Variants in SMAD1 observed in about 807,000 individuals in gnomAD.
The protein encoded by SMAD1 is MAD, mothers against decapentaplegic homolog 1.
A neutral mutation model predicts 41.6 loss-of-function variants in SMAD1; 6 were observed. The observed-to-expected ratio is 0.14, with a 90% CI of 0.08 to 0.28. SMAD1 has a LOEUF of 0.28. Ranked by LOEUF, SMAD1 falls within the 10% of genes least tolerant of loss-of-function variation. The pLI is 1.00. For synonymous variants in SMAD1, 206 were observed against 203.2 expected, an observed-to-expected ratio of 1.01 and a Z score of -0.12; for missense variants, 379 against 582.6, an observed-to-expected ratio of 0.65 and a Z score of 3.60.
In SMAD1 at chr4:145,553,281, G is replaced by A. The variant is rs550954284; in HGVS notation, c.998-503G>A. Among the ~76,000 whole-genome samples the A allele has an allele frequency of 3.0e-4, 30 of 98,832 alleles. No individual in the cohort carries two copies. In the South Asian group the frequency reaches 9.4e-3, roughly 31 times the overall value. 64.8% of individuals were successfully genotyped at this position (98,832 alleles called of 152,430 possible). A position where few individuals can be genotyped will look rare whatever the true frequency, so the allele number is the denominator to read the frequency against. On this transcript the variant is annotated intron_variant, in intron 5 of 6. Coordinates refer to ENST00000302085, the MANE Select transcript of SMAD1 (RefSeq NM_005900.3). ...TCCTAGATACTGTATTAAGTAATGC[G>A]GTTAACTAAGATTTTTATCAGTCAT...
At chr4:145,521,858 A>C (rs1483192998) in intron 2 of SMAD1, among the ~76,000 whole-genome samples, 3 of 151,320 alleles carry the variant, frequency 2.0e-5, no homozygotes, top group Non-Finnish European at 4.4e-5. Flanking sequence ...TTAAAACTGC[A>C]TGTGAATCTA....
At chr4:145,503,676 C>G (rs1452765739) in intron 1 of SMAD1, among the ~76,000 whole-genome samples, 2 of 152,188 alleles carry the variant, frequency 1.3e-5, no homozygotes, top group African/African-American at 4.8e-5. Flanking sequence ...CATTCAATGC[C>G]ATTTCCTTAT....
chr4:145,526,847 A>G (rs1265552298), intron 2 of SMAD1, among the ~76,000 whole-genome samples: 1 of 152,144 alleles, frequency 6.6e-6, no homozygotes, highest in African/African-American at 2.4e-5. Flanking sequence ...GGCTGGATTG[A>G]ATTTTGGCAC....
In SMAD1 at chr4:145,542,852, CAAGT is replaced by C. The variant is rs558439439; in HGVS notation, c.775+159_775+162del. ...GAAGCTCACTACAATTGCTGGATAACAAGTAAGTCTTTAATTTAAAGAACAAATA... is the reference window on the plus strand; with the variant it reads ...GAAGCTCACTACAATTGCTGGATAACAAGTCTTTAATTTAAAGAACAAATA... On this transcript the variant is annotated intron_variant, in intron 4 of 6. Coordinates refer to ENST00000302085, the MANE Select transcript of SMAD1 (RefSeq NM_005900.3). Among the ~76,000 whole-genome samples, 7 of 152,264 alleles carry C rather than the reference CAAGT, an allele frequency of 4.6e-5. No individual in the cohort carries two copies. The South Asian group carries it at 6.2e-4, about 14-fold the overall frequency.
chr4:145,496,688 A>G (rs1729097160), intron 1 of SMAD1, among the ~76,000 whole-genome samples: 1 of 152,048 alleles, frequency 6.6e-6, no homozygotes, highest in Non-Finnish European at 1.5e-5. Flanking sequence ...CCTGTATGCA[A>G]GGATTTTGGT....
intron 2 of SMAD1, chr4:145,517,157 A>G (rs1730454305): frequency 1.3e-5 from 2 of 152,208 alleles, no homozygotes; most frequent in Non-Finnish European, 1.5e-5. Flanking sequence ...GAAGTCCTCT[A>G]GAGAGGTCTG....
intron 1 of SMAD1, among the ~76,000 whole-genome samples, chr4:145,484,121 A>G (rs2126924518): frequency 6.6e-6 from 1 of 152,358 alleles, no homozygotes; most frequent in South Asian, 2.1e-4. Context: ...TATTAAATCT[A>G]ATAACCTAGT....
intron 2 of SMAD1, among the ~76,000 whole-genome samples, chr4:145,530,865 A>C (rs1185559916): frequency 6.6e-6 from 1 of 152,196 alleles, no homozygotes; most frequent in Non-Finnish European, 1.5e-5. Context: ...CCTGGCCCTC[A>C]ATTAGCAGCT....
chr4:145,554,968 C>T (rs1732758195), intron 6 of SMAD1, among the ~76,000 whole-genome samples: 1 of 152,276 alleles, frequency 6.6e-6, no homozygotes, highest in African/African-American at 2.4e-5. Flanking sequence ...TGGAGCCTTA[C>T]TTGTTAATCA....
chr4:145,551,544 A>G (rs1332733190), intron 5 of SMAD1, among the ~76,000 whole-genome samples: 1 of 152,216 alleles, frequency 6.6e-6, no homozygotes, highest in Non-Finnish European at 1.5e-5. Flanking sequence ...ATAAGAAAGT[A>G]TATCCTTCTT....
chr4:145,557,671 G>C, intron 6 of SMAD1, 120 bp from the exon 7 acceptor site: 1 of 679,920 alleles, frequency 1.5e-6, no homozygotes, highest in South Asian at 3.5e-5. Context: ...GGGGCGGGGG[G>C]GTCAGGGAGG....
In SMAD1 at chr4:145,514,856, G is replaced by A; in HGVS notation, c.243G>A (p.Lys81=). ...LDGRLQVSHR[K]GLPHVIYCRV... ...GCAGGCTGCAAGTCTCCCACCGGAA[G>A]GGACTGCCTCATGTCATTTACTGCC... Residue 81 remains lysine (K), a synonymous_variant, in exon 2 of 7, where the codon AAG becomes AAA. Transcript: ENST00000302085. This position sits in a 1 kb window ranked among gnomAD's most constrained non-coding sequence, Gnocchi z 4.7. The A allele has an allele frequency of 6.2e-7, 1 of 1,614,088 alleles. No homozygotes were observed. Among genetic ancestry groups the A allele is most frequent in the Non-Finnish European group, 8.5e-7 (1 of 1,180,002 alleles).
chr4:145,542,799 T>A, intron 4 of SMAD1, 101 bp downstream of exon 4: 1 of 753,226 alleles, frequency 1.3e-6, no homozygotes. Context: ...AGAGAGCTAC[T>A]TGAGAAAAAT....
At chr4:145,533,871 A>G (rs888180745) in intron 2 of SMAD1, among the ~76,000 whole-genome samples, 3 of 152,188 alleles carry the variant, frequency 2.0e-5, no homozygotes, top group Admixed American at 6.5e-5. Context: ...TGCAAATCCT[A>G]TATGTGGTGT....
At chr4:145,506,651 AAAAAACAATTATATCTTCATAT>A (rs1386819116) in intron 1 of SMAD1, among the ~76,000 whole-genome samples, 4 of 152,116 alleles carry the variant, frequency 2.6e-5, no homozygotes, top group African/African-American at 9.7e-5. Flanking sequence ...TCCTTCCTTT[AAAAAACAATTATATCTTCATAT>A]ACAAATTAGG....
At chr4:145,540,676 A>G (rs1268887617) in intron 3 of SMAD1, among the ~76,000 whole-genome samples, 3 of 152,120 alleles carry the variant, frequency 2.0e-5, no homozygotes, top group African/African-American at 7.2e-5. Context: ...TTATCAAAAT[A>G]AATGATTAAT....
At chr4:145,498,423 T>C (rs932642097) in intron 1 of SMAD1, among the ~76,000 whole-genome samples, 2 of 152,374 alleles carry the variant, frequency 1.3e-5, no homozygotes, top group South Asian at 2.1e-4. Context: ...TACAAAGATA[T>C]ATCTTGCCAC....
rs1190001940 is a variant in SMAD1, at chr4:145,482,223, A to ACC, written c.-177+196_-177+197dup. Among the ~76,000 whole-genome samples, 206 of 105,444 alleles carry ACC rather than the reference A, an allele frequency of 2.0e-3. 1 individual carries two copies. Among genetic ancestry groups the ACC allele is most frequent in the African/African-American group, 3.3e-3 (102 of 30,896 alleles). The allele number at this position is 105,444 out of a possible 152,430, so 69.2% of individuals were successfully genotyped here. On this transcript the variant is annotated intron_variant, in intron 1 of 6. Coordinates refer to ENST00000302085, the MANE Select transcript of SMAD1 (RefSeq NM_005900.3). The surrounding 1 kb of genome is among the most constrained non-coding windows in gnomAD (Gnocchi z 4.2). The stretch of plus-strand genomic sequence containing the variant: ...CTCTTTCTGCGCGGGGCGGGCCGCG[A>ACC]CCCCCCCCCCCCATGATGGCGCCTC...
rs1052609818 is a variant in SMAD1 at position 145,542,822 on chromosome 4, TAAGAG to T, written c.775+128_775+132del. On this transcript the variant is annotated intron_variant, in intron 4 of 6. Coordinates refer to ENST00000302085, the MANE Select transcript of SMAD1 (RefSeq NM_005900.3). ...ACTTGAGAAAAATAGAGTCCAATGT[TAAGAG>T]AAGCTCACTACAATTGCTGGATAAC... 1.2e-5 allele frequency: 7 copies of T among 607,244 alleles called. No homozygotes were observed. The African/African-American group carries it at 1.3e-4, about 11-fold the overall frequency. The allele number at this position is 607,244 out of a possible 1,614,324, so 37.6% of individuals were successfully genotyped here. A position where few individuals can be genotyped will look rare whatever the true frequency, so the allele number is the denominator to read the frequency against.
Sources: gnomAD v4.1 joint callset for allele counts (sites outside exome capture counted in the v4.1 genomes callset) on GRCh38, gnomAD v4.1.1 for gene constraint, Gnocchi (gnomAD v3.1) non-coding constraint, MANE v1.5 for transcripts, NCBI Gene and HGNC (gene_info 2026-07-23, HGNC 2026-07-21) for gene names.